RANBP3L: variants seen among roughly 807,000 people sequenced by gnomAD.
RANBP3L encodes the protein RAN binding protein 3 like.
RANBP3L carries 56 observed loss-of-function variants against 67.2 expected under a neutral mutation model. That is an observed-to-expected ratio of 0.83 (90% CI 0.67 to 1.04). The LOEUF (loss-of-function observed/expected upper bound fraction) is 1.04. Among genes scored for constraint, RANBP3L ranks in the 50% least tolerant of loss-of-function variants. The pLI, the probability that RANBP3L is intolerant of heterozygous loss-of-function variation, is 0.00. For missense variants in RANBP3L, 496 were observed against 535.5 expected (o/e 0.93, Z 0.73); for synonymous variants, 164 against 181.4 (o/e 0.90, Z 0.77).
intron 6 of RANBP3L, among the ~76,000 whole-genome samples, 184 bp downstream of exon 6, chr5:36,264,775 T>TGAGACC (rs911946823): frequency 2.0e-4 from 30 of 152,194 alleles, no homozygotes; most frequent in Admixed American, 1.6e-3. Flanking sequence ...CACAGATTTG[T>TGAGACC]GAGACTACAA....
intron 1 of RANBP3L, among the ~76,000 whole-genome samples, chr5:36,273,991 G>C (rs1206952608): frequency 6.6e-6 from 1 of 152,160 alleles, no homozygotes; most frequent in East Asian, 1.9e-4. Context: ...TCTTCAAATA[G>C]AGGAAAAGCC....
chr5:36,299,257 C>T (rs1039310480), intron 1 of RANBP3L, among the ~76,000 whole-genome samples: 1 of 151,746 alleles, frequency 6.6e-6, no homozygotes, highest in African/African-American at 2.4e-5. Flanking sequence ...TAAGTTAATA[C>T]TTAATAAACT....
chr5:36,278,531 T>C (rs1372205517), intron 1 of RANBP3L, among the ~76,000 whole-genome samples: 1 of 152,114 alleles, frequency 6.6e-6, no homozygotes, highest in East Asian at 1.9e-4. Context: ...TTTAGGAAAA[T>C]GGCAGTAAAG....
At chr5:36,268,507 G>A (rs1043922038) in intron 4 of RANBP3L, among the ~76,000 whole-genome samples, 3 of 152,064 alleles carry the variant, frequency 2.0e-5, no homozygotes, top group South Asian at 2.1e-4. Flanking sequence ...CCATGAAGAT[G>A]ACCTCGAGGA....
chr5:36,283,165 C>T (rs1477793775), intron 1 of RANBP3L, among the ~76,000 whole-genome samples: 2 of 152,078 alleles, frequency 1.3e-5, no homozygotes, highest in East Asian at 3.9e-4. Flanking sequence ...TCAAGTAATT[C>T]TCGTGCCTCA....
rs530429220 is a variant in RANBP3L at position 36,269,751 on chromosome 5, A to C, written c.190+200T>G. Among the ~76,000 whole-genome samples the C allele has an allele frequency of 1.4e-4, 22 of 152,356 alleles. No homozygotes were observed. The South Asian group carries it at 4.1e-3, about 29-fold the overall frequency. On this transcript the variant is annotated intron_variant, in intron 3 of 13. Coordinates refer to ENST00000296604, the MANE Select transcript of RANBP3L (RefSeq NM_145000.5). ...TAGGCTAAGGGGCAGGGAGTGGAGC[A>C]CAATGAATTTTAGTCACTAACATCA...
intron 6 of RANBP3L, among the ~76,000 whole-genome samples, chr5:36,264,712 A>G (rs1749631414): frequency 6.6e-6 from 1 of 152,170 alleles, no homozygotes; most frequent in Admixed American, 6.5e-5. Flanking sequence ...GCTCTGGCAC[A>G]AGACCCCCAG....
intron 1 of RANBP3L, among the ~76,000 whole-genome samples, chr5:36,291,043 C>A (rs1377486959): frequency 1.3e-5 from 2 of 151,728 alleles, no homozygotes; most frequent in African/African-American, 4.8e-5. Context: ...CATGCCTGGC[C>A]CGGCTTTTTT....
At chr5:36,276,489 TA>T (rs1750575618) in intron 1 of RANBP3L, among the ~76,000 whole-genome samples, 1 of 116,096 alleles carries the variant, frequency 8.6e-6, no homozygotes, top group Non-Finnish European at 2.1e-5. Flanking sequence ...TAGGTATGTA[TA>T]GGGGAAAAAA....
chr5:36,251,446 A>G lies in RANBP3L; in HGVS notation c.1221T>C (p.Val407=), dbSNP rs796789010. The change falls in exon 13 of 14, where the codon GTT becomes GTC. Residue 407 remains valine (V), a synonymous_variant. Coordinates refer to ENST00000296604, the MANE Select transcript of RANBP3L (RefSeq NM_145000.5). ...YLYAAIHHRL[V]ALQSFNKQRD... ...TCTGCTTATTGAAGCTTTGAAGTGCAACAAGACGATGATGTATTGCTGCAT... is the reference window on the plus strand; with the variant it reads ...TCTGCTTATTGAAGCTTTGAAGTGCGACAAGACGATGATGTATTGCTGCAT... The G allele has an allele frequency of 1.2e-6, 2 of 1,612,938 alleles. No homozygotes were observed. The highest frequency in any genetic ancestry group is 1.3e-5 in the African/African-American group (1 of 75,002).
chr5:36,284,970 T>G (rs1378883440), intron 1 of RANBP3L, among the ~76,000 whole-genome samples: 1 of 152,200 alleles, frequency 6.6e-6, no homozygotes, highest in Non-Finnish European at 1.5e-5. Flanking sequence ...TGAACATCTA[T>G]TTTGTACCAG....
chr5:36,272,425 A>C (rs762710001), intron 1 of RANBP3L, among the ~76,000 whole-genome samples: 1 of 152,202 alleles, frequency 6.6e-6, no homozygotes, highest in Non-Finnish European at 1.5e-5. Flanking sequence ...CTGAATAAAT[A>C]AAGCTGTAGC....
intron 2 of RANBP3L, among the ~76,000 whole-genome samples, chr5:36,270,905 G>A (rs1750160666): frequency 6.6e-6 from 1 of 152,192 alleles, no homozygotes; most frequent in African/African-American, 2.4e-5. Context: ...AATTTAGAAT[G>A]TGTTTTTTTA....
chr5:36,284,226 TC>T (rs548249277), intron 1 of RANBP3L, among the ~76,000 whole-genome samples: 25 of 152,330 alleles, frequency 1.6e-4, no homozygotes, highest in Middle Eastern at 3.4e-3. Flanking sequence ...CACACCAGCA[TC>T]CCTTGTTAAA....
intron 12 of RANBP3L, among the ~76,000 whole-genome samples, chr5:36,252,323 T>A (rs1748652241): frequency 6.6e-6 from 1 of 152,094 alleles, no homozygotes; most frequent in Admixed American, 6.6e-5. Flanking sequence ...AGAATAGAAT[T>A]ATTTCACCTA....
rs1748463647 is a variant in RANBP3L, at chr5:36,249,684, C to T, written c.1368G>A (p.Trp456Ter). Residue 456 changes from tryptophan (W) to a stop codon, truncating the protein, a stop_gained, in exon 14 of 14, where the codon TGG becomes TGA. Transcript: ENST00000296604. LOFTEE classifies it high-confidence loss of function. The stretch of plus-strand genomic sequence containing the variant: ...AACAGGCAACCGACTGTCTGTGAGT[C>T]CAACTAGAAGGATCTGTGATATAAA... ...VTKNGSDPSS[W>*]THRQSVACS is the part of the protein sequence containing the mutation. 2 of 1,550,042 alleles carry T rather than the reference C, an allele frequency of 1.3e-6. No individual in the cohort carries two copies. Among genetic ancestry groups the T allele is most frequent in the African/African-American group, 1.4e-5 (1 of 73,516 alleles).
chr5:36,280,894 T>G (rs1248810433), intron 1 of RANBP3L, among the ~76,000 whole-genome samples: 1 of 152,178 alleles, frequency 6.6e-6, no homozygotes, highest in Non-Finnish European at 1.5e-5. Context: ...GTCTTTACTC[T>G]TTTGCCTTTT....
chr5:36,292,804 C>T (rs1176443433), intron 1 of RANBP3L, among the ~76,000 whole-genome samples: 1 of 152,162 alleles, frequency 6.6e-6, no homozygotes, highest in Non-Finnish European at 1.5e-5. Flanking sequence ...GTTACTGTAG[C>T]CTTGTAGGAT....
intron 1 of RANBP3L, among the ~76,000 whole-genome samples, chr5:36,286,282 G>T (rs1176280274): frequency 6.6e-6 from 1 of 152,100 alleles, no homozygotes; most frequent in Non-Finnish European, 1.5e-5. Context: ...AACCTGAAAG[G>T]TGTAAATGAT....
Sources: allele counts gnomAD v4.1 joint callset (sites outside exome capture counted in the v4.1 genomes callset), GRCh38; gene constraint gnomAD v4.1.1; transcripts MANE v1.5; gene names NCBI Gene and HGNC (gene_info 2026-07-23, HGNC 2026-07-21).